The following IQCH variants were observed in gnomAD, a reference collection of about 807,000 sequenced individuals.
The protein encoded by IQCH is IQ domain-containing protein H.
A neutral mutation model predicts 117.0 loss-of-function variants in IQCH; 98 were observed. The observed-to-expected ratio is 0.84, with a 90% CI of 0.71 to 0.99. The LOEUF (loss-of-function observed/expected upper bound fraction) is 0.99, where lower values mean the gene tolerates loss of function less well. IQCH is among the 50% of genes least tolerant of loss of function. IQCH has a pLI of 0.00. For synonymous variants in IQCH, 412 were observed against 448.2 expected (o/e 0.92, Z 1.02); for missense variants, 1,102 against 1,243.8 (o/e 0.89, Z 1.72).
At position 67,436,178 on chromosome 15, in the gene IQCH, C is replaced by T. The variant is rs909167361; in HGVS notation, c.2505+14601C>T. ...GCTCCATATTCAATAAATGTATTAT[C>T]GAGACCCACTGAAGGAAGCCGACTG... On this transcript the variant is annotated intron_variant, in intron 16 of 20. Coordinates refer to ENST00000335894, the MANE Select transcript of IQCH (RefSeq NM_001031715.3). This position sits in a 1 kb window ranked among gnomAD's most constrained non-coding sequence, Gnocchi z 5.1. Among the ~76,000 whole-genome samples, 1 of 152,036 alleles carries T rather than the reference C, an allele frequency of 6.6e-6. No individual in the cohort carries two copies.
At chr15:67,378,627 T>C (rs1970817454) in intron 10 of IQCH, among the ~76,000 whole-genome samples, 1 of 152,010 alleles carries the variant, frequency 6.6e-6, no homozygotes, top group South Asian at 2.1e-4. Context: ...CACTCATTTA[T>C]ACTGGTTAGA....
chr15:67,442,888 TAC>T (rs1216608642), intron 16 of IQCH, among the ~76,000 whole-genome samples: 1 of 149,292 alleles, frequency 6.7e-6, no homozygotes, highest in African/African-American at 2.5e-5. Context: ...ATATATAAAA[TAC>T]ATATAGATAT....
At position 67,496,209 on chromosome 15, in the gene IQCH, TG is replaced by T. The variant is rs1325884902; in HGVS notation, c.2970+1849del. On this transcript the variant is annotated intron_variant, in intron 20 of 20. Transcript: ENST00000335894. The surrounding 1 kb of genome is among the most constrained non-coding windows in gnomAD (Gnocchi z 4.4). The stretch of plus-strand genomic sequence containing the variant: ...GCTCATGCCTGTAGTCCCAGCTACT[TG>T]GGGGGCTGAGGTGGGAGAATCATTT... Among the ~76,000 whole-genome samples, 34 of 151,898 alleles carry T rather than the reference TG, an allele frequency of 2.2e-4. No homozygotes were observed. Among genetic ancestry groups the T allele is most frequent in the Non-Finnish European group, 1.5e-5 (1 of 67,964 alleles).
At chr15:67,371,633 A>T in intron 8 of IQCH, 1 of 736,276 alleles carries the variant, frequency 1.4e-6, no homozygotes, top group South Asian at 2.0e-5. Flanking sequence ...ATGATCTTTT[A>T]TGAAGTCAGA....
At chr15:67,421,719 A>G in intron 16 of IQCH, 142 bp downstream of exon 16, 1 of 820,056 alleles carries the variant, frequency 1.2e-6, no homozygotes, top group Non-Finnish European at 1.9e-6. Context: ...CAACACCTAT[A>G]TGGCCCATGC....
At chr15:67,306,621 G>T (rs1967309445) in intron 4 of IQCH, among the ~76,000 whole-genome samples, 1 of 151,954 alleles carries the variant, frequency 6.6e-6, no homozygotes, top group Non-Finnish European at 1.5e-5. Context: ...CTGATGCCAG[G>T]ATTTTAGTGC....
At chr15:67,470,990 T>G (rs954194122) in intron 17 of IQCH, among the ~76,000 whole-genome samples, 5 of 152,240 alleles carry the variant, frequency 3.3e-5, no homozygotes, top group Non-Finnish European at 7.3e-5. Flanking sequence ...TAACACTTCA[T>G]TAAAAATGTT....
rs1049693778 is a variant in IQCH at position 67,417,749 on chromosome 15, A to G, written c.2218+698A>G. 6.6e-6 allele frequency among the ~76,000 whole-genome samples: 1 copy of G among 152,158 alleles called. No homozygotes were observed. The highest frequency in any genetic ancestry group is 1.5e-5 in the Non-Finnish European group (1 of 68,024). Reference sequence around the variant, plus strand: ...TCAGATGTTACACAGAGGCACACCTATGCAACGGCCCTCAGTCTCTAGGAG... The same window carrying G: ...TCAGATGTTACACAGAGGCACACCTGTGCAACGGCCCTCAGTCTCTAGGAG... On this transcript the variant is annotated intron_variant, in intron 15 of 20. Coordinates refer to ENST00000335894, the MANE Select transcript of IQCH (RefSeq NM_001031715.3). This position sits in a 1 kb window ranked among gnomAD's most constrained non-coding sequence, Gnocchi z 4.3.
chr15:67,452,032 G>T (rs1237678624), intron 16 of IQCH, among the ~76,000 whole-genome samples: 2 of 152,128 alleles, frequency 1.3e-5, no homozygotes, highest in African/African-American at 4.8e-5. Flanking sequence ...TTTTTTCAGA[G>T]ACTAGGATTG....
Position 67,388,291 on chromosome 15 carries a change from T to TTGGGAATCAAGCAA in IQCH, c.1457-539_1457-526dup, listed in dbSNP as rs1971171272. 6.6e-6 allele frequency among the ~76,000 whole-genome samples: 1 copy of TTGGGAATCAAGCAA among 152,238 alleles called. No homozygotes were observed. Among genetic ancestry groups the TTGGGAATCAAGCAA allele is most frequent in the Non-Finnish European group, 1.5e-5 (1 of 68,038 alleles). On this transcript the variant is annotated intron_variant, in intron 11 of 20. Transcript: ENST00000335894. The surrounding 1 kb of genome is among the most constrained non-coding windows in gnomAD (Gnocchi z 5.5). ...TGCTATTTAAGTAATGTACTCCTCT[T>TTGGGAATCAAGCAA]TGGGAATCAAGCAAGGGAAAGGCTG...
At chr15:67,344,217 A>C in intron 6 of IQCH, 26 bp downstream of exon 6, 1 of 1,606,340 alleles carries the variant, frequency 6.2e-7, no homozygotes, top group Non-Finnish European at 8.5e-7. Context: ...ATCTCAGTTC[A>C]GTTGGGGACA....
At chr15:67,318,385 A>G (rs1390437706) in intron 4 of IQCH, among the ~76,000 whole-genome samples, 6 of 152,226 alleles carry the variant, frequency 3.9e-5, no homozygotes, top group Non-Finnish European at 7.3e-5. Context: ...AATGAACAAC[A>G]TCAGAGAACA....
At position 67,343,108 on chromosome 15, in the gene IQCH, G is replaced by A. The variant is rs375113965; in HGVS notation, c.509-955G>A. Among the ~76,000 whole-genome samples, 7 of 152,170 alleles carry A rather than the reference G, an allele frequency of 4.6e-5. No homozygotes were observed. The East Asian group carries it at 9.6e-4, about 21-fold the overall frequency. On this transcript the variant is annotated intron_variant, in intron 5 of 20. Transcript: ENST00000335894. ...GACTAACATTCTTAATAGTAATATA[G>A]TATAGAGGTCATAAGGTAAATAGAA... is the stretch of plus-strand genomic sequence containing the variant.
intron 18 of IQCH, among the ~76,000 whole-genome samples, chr15:67,480,481 CAT>C (rs563541350): frequency 1.3e-5 from 2 of 152,186 alleles, no homozygotes; most frequent in Admixed American, 6.5e-5. Flanking sequence ...CATACCAACT[CAT>C]GTGGGAAATG....
At position 67,493,696 on chromosome 15, in the gene IQCH, A is replaced by ATG. The variant is rs1182805891; in HGVS notation, c.2862-559_2862-558dup. On this transcript the variant is annotated intron_variant, in intron 19 of 20. Transcript: ENST00000335894. This position sits in a 1 kb window ranked among gnomAD's most constrained non-coding sequence, Gnocchi z 5.1. The stretch of plus-strand genomic sequence containing the variant: ...TATTATACTTTAAGTTATAGGGTAC[A>ATG]TGTGCACAACGTGCAGGTTTGTTAC... Among the ~76,000 whole-genome samples, 1 of 152,212 alleles carries ATG rather than the reference A, an allele frequency of 6.6e-6. No individual in the cohort carries two copies. Among genetic ancestry groups the ATG allele is most frequent in the Non-Finnish European group, 1.5e-5 (1 of 68,032 alleles).
chr15:67,462,979 T>C (rs2082835363), intron 16 of IQCH, among the ~76,000 whole-genome samples: 1 of 152,224 alleles, frequency 6.6e-6, no homozygotes, highest in African/African-American at 2.4e-5. Flanking sequence ...TATTTGCTAT[T>C]ATAAAAGGGC....
rs1483905264 is a variant in IQCH at position 67,496,717 on chromosome 15, G to T, written c.2970+2351G>T. On this transcript the variant is annotated intron_variant, in intron 20 of 20. Transcript: ENST00000335894. This position sits in a 1 kb window ranked among gnomAD's most constrained non-coding sequence, Gnocchi z 4.4. Reference sequence around the variant, plus strand: ...AAGAAGGAGAAGGAGAAAAGAAGAAGAAATAAAAGTAAAAGTATCGGCCGG... The same window carrying T: ...AAGAAGGAGAAGGAGAAAAGAAGAATAAATAAAAGTAAAAGTATCGGCCGG... 6.6e-6 allele frequency among the ~76,000 whole-genome samples: 1 copy of T among 151,718 alleles called. No individual in the cohort carries two copies. Among genetic ancestry groups the T allele is most frequent in the Non-Finnish European group, 1.5e-5 (1 of 67,902 alleles).
At position 67,485,752 on chromosome 15, in the gene IQCH, G is replaced by C. The variant is rs192983538; in HGVS notation, c.2800-4251G>C. Among the ~76,000 whole-genome samples the C allele has an allele frequency of 1.5e-4, 22 of 151,632 alleles. No homozygotes were observed. The East Asian group carries it at 4.1e-3, about 28-fold the overall frequency. On this transcript the variant is annotated intron_variant, in intron 18 of 20. Transcript: ENST00000335894. The stretch of plus-strand genomic sequence containing the variant: ...TGGCTCACTGCAACCTCCGCCTTCC[G>C]GGTTCAAGCAGTTCTCCTGCCTCAG...
Position 67,436,199 on chromosome 15 carries a change from G to T in IQCH, c.2505+14622G>T, listed in dbSNP as rs1346752513. 1.3e-5 allele frequency among the ~76,000 whole-genome samples: 2 copies of T among 152,038 alleles called. No individual in the cohort carries two copies. Among genetic ancestry groups the T allele is most frequent in the African/African-American group, 4.8e-5 (2 of 41,390 alleles). ...TTATCGAGACCCACTGAAGGAAGCC[G>T]ACTGCTCCTGCAGGACCCAGGAGAC... On this transcript the variant is annotated intron_variant, in intron 16 of 20. Transcript: ENST00000335894. This position sits in a 1 kb window ranked among gnomAD's most constrained non-coding sequence, Gnocchi z 5.1.
Sources: allele counts gnomAD v4.1 joint callset (sites outside exome capture counted in the v4.1 genomes callset), GRCh38; gene constraint gnomAD v4.1.1; non-coding constraint Gnocchi (gnomAD v3.1); transcripts MANE v1.5; gene names NCBI Gene and HGNC (gene_info 2026-07-23, HGNC 2026-07-21).